NDUFA5: variants seen among roughly 807,000 people sequenced by gnomAD.
NDUFA5 encodes the protein NADH dehydrogenase [ubiquinone] 1 alpha subcomplex subunit 5.
In NDUFA5, 11 loss-of-function variants were observed where a neutral mutation model predicts 19.8. The observed-to-expected ratio is 0.56, with a 90% confidence interval of 0.35 to 0.92. The LOEUF (loss-of-function observed/expected upper bound fraction) is 0.92. NDUFA5 is among the 40% of genes least tolerant of loss of function. The pLI is 0.01. For synonymous variants in NDUFA5, 47 were observed against 46.8 expected (o/e 1.00, Z -0.01); for missense variants, 109 against 134.2 (o/e 0.81, Z 0.93).
intron 2 of NDUFA5, among the ~76,000 whole-genome samples, chr7:123,552,326 A>T (rs1798374471): frequency 6.6e-6 from 1 of 152,200 alleles, no homozygotes; most frequent in Admixed American, 6.5e-5. Flanking sequence ...ATGAGCTCAT[A>T]TCCTTTGCAG....
chr7:123,558,312 AT>A, upstream of NDUFA5: 1 of 156,060 alleles, frequency 6.4e-6, no homozygotes, highest in Non-Finnish European at 1.4e-5. Context: ...GTGTGAGGTC[AT>A]TTTCCATCGC....
chr7:123,562,523 A>C (rs976031498), upstream of NDUFA5, among the ~76,000 whole-genome samples: 7 of 152,324 alleles, frequency 4.6e-5, no homozygotes, highest in South Asian at 1.4e-3. Flanking sequence ...TGCAGCTTCT[A>C]CATCAGCACT....
the NDUFA5 span, among the ~76,000 whole-genome samples, chr7:123,574,408 C>A: frequency 0.017 from 2,545 of 152,196 alleles, 64 homozygotes; most frequent in African/African-American, 0.057. Flanking sequence ...CAGCTAAAGC[C>A]TCCCTGATCC....
At chr7:123,568,168 T>C in the NDUFA5 span, among the ~76,000 whole-genome samples, 2 of 152,202 alleles carry the variant, frequency 1.3e-5, no homozygotes, top group African/African-American at 4.8e-5. Flanking sequence ...ACACTCCCAC[T>C]GAGATTTGGA....
chr7:123,594,488 G>A, the NDUFA5 span, among the ~76,000 whole-genome samples: 1 of 152,110 alleles, frequency 6.6e-6, no homozygotes, highest in Admixed American at 6.5e-5. Context: ...TTTTGTTGAT[G>A]TTGATGCTAT....
At chr7:123,556,984 A>C in intron 2 of NDUFA5, 2 of 450,184 alleles carry the variant, frequency 4.4e-6, no homozygotes, top group South Asian at 3.3e-5. Flanking sequence ...TGATGAAAAC[A>C]TTCGTGAATA....
chr7:123,545,855 G>C, intron 3 of NDUFA5, 179 bp from the exon 4 acceptor site: 1 of 517,766 alleles, frequency 1.9e-6, no homozygotes, highest in Admixed American at 3.7e-5. Flanking sequence ...TTGCTTTTCT[G>C]TCTTAATATT....
intron 3 of NDUFA5, among the ~76,000 whole-genome samples, chr7:123,547,527 C>A (rs1313916632): frequency 6.6e-6 from 1 of 151,648 alleles, no homozygotes; most frequent in Non-Finnish European, 1.5e-5. Context: ...ATAAATGTTT[C>A]TTGGTTAAAG....
chr7:123,572,658 CGG>C, the NDUFA5 span, among the ~76,000 whole-genome samples: 2 of 150,866 alleles, frequency 1.3e-5, no homozygotes, highest in Non-Finnish European at 3.0e-5. Flanking sequence ...TATTACCCCA[CGG>C]TTTTTTGTTT....
chr7:123,571,964 G>T, the NDUFA5 span, among the ~76,000 whole-genome samples: 1 of 151,600 alleles, frequency 6.6e-6, no homozygotes, highest in African/African-American at 2.4e-5. Context: ...TAGAGATGGA[G>T]GTCTCACTAC....
upstream of NDUFA5, among the ~76,000 whole-genome samples, chr7:123,561,996 T>C (rs1320686729): frequency 6.6e-6 from 1 of 152,066 alleles, no homozygotes; most frequent in Non-Finnish European, 1.5e-5. Flanking sequence ...TCGGTATTTA[T>C]GGTAACTATA....
the NDUFA5 span, among the ~76,000 whole-genome samples, chr7:123,594,194 G>T: frequency 6.6e-6 from 1 of 151,930 alleles, no homozygotes; most frequent in Admixed American, 6.6e-5. Context: ...CTTTTTTCAA[G>T]GTTTTTAGCT....
At chr7:123,557,487 G>A (rs757270834) in intron 1 of NDUFA5, 39 bp from the exon 2 acceptor site, 26 of 1,612,792 alleles carry the variant, frequency 1.6e-5, no homozygotes, top group Non-Finnish European at 2.2e-5. Flanking sequence ...TGTTTACTAC[G>A]GTTTCCATAC....
At chr7:123,561,688 C>A (rs564944767), upstream of NDUFA5, among the ~76,000 whole-genome samples, 1 of 152,112 alleles carries the variant, frequency 6.6e-6, no homozygotes, top group Non-Finnish European at 1.5e-5. Flanking sequence ...ACCTCTGCTG[C>A]CCCAGTTCAA....
chr7:123,550,291 C>A, intron 3 of NDUFA5, 179 bp downstream of exon 3: 1 of 534,986 alleles, frequency 1.9e-6, no homozygotes, highest in East Asian at 3.5e-5. Flanking sequence ...GTAACAGAGG[C>A]CTGCATATAG....
the NDUFA5 span, among the ~76,000 whole-genome samples, chr7:123,591,679 CGTGTTG>C: frequency 6.6e-6 from 1 of 151,968 alleles, no homozygotes; most frequent in South Asian, 2.1e-4. Context: ...TGCTTTTTGA[CGTGTTG>C]CTGGATTCGG....
chr7:123,581,019 C>G, the NDUFA5 span, among the ~76,000 whole-genome samples: 1 of 151,942 alleles, frequency 6.6e-6, no homozygotes, highest in East Asian at 1.9e-4. Context: ...GACTCTCCTT[C>G]CACTAGATGG....
chr7:123,580,839 A>G, the NDUFA5 span, among the ~76,000 whole-genome samples: 1 of 152,020 alleles, frequency 6.6e-6, no homozygotes. Context: ...CATCATTATA[A>G]TTATTATACC....
At chr7:123,574,840 T>G in the NDUFA5 span, among the ~76,000 whole-genome samples, 2 of 152,136 alleles carry the variant, frequency 1.3e-5, no homozygotes, top group Admixed American at 1.3e-4. Context: ...ATTGTTTTCC[T>G]CCAAAGTACT....
Sources: allele counts gnomAD v4.1 joint callset (sites outside exome capture counted in the v4.1 genomes callset), GRCh38; gene constraint gnomAD v4.1.1; transcripts MANE v1.5; gene names NCBI Gene and HGNC (gene_info 2026-07-23, HGNC 2026-07-21).